Variants in HIRA observed in about 807,000 individuals in gnomAD.
HIRA encodes the protein protein HIRA.
Under a neutral mutation model 126.6 loss-of-function variants are expected in HIRA, and 13 were observed. That is an observed-to-expected ratio of 0.10 (90% confidence interval 0.07 to 0.16). HIRA has a LOEUF of 0.16. Among genes scored for constraint, HIRA ranks in the 10% least tolerant of loss-of-function variants. The probability of loss-of-function intolerance (pLI) is 1.00; values close to 1 mark genes in which losing one functional copy is unlikely to be tolerated. For missense variants in HIRA, 834 were observed against 1,314.4 expected, an observed-to-expected ratio of 0.63 and a Z score of 5.65; for synonymous variants, 511 against 520.0, an observed-to-expected ratio of 0.98 and a Z score of 0.24.
At chr22:19,405,708 C>T in intron 5 of HIRA, 78 bp downstream of exon 5, 1 of 1,108,252 alleles carries the variant, frequency 9.0e-7, no homozygotes, top group Non-Finnish European at 1.2e-6. Context: ...CCAAACAGTC[C>T]CACAGGGGAC....
intron 1 of HIRA, among the ~76,000 whole-genome samples, chr22:19,423,262 A>T (rs761718400): frequency 6.6e-6 from 1 of 151,966 alleles, no homozygotes; most frequent in African/African-American, 2.4e-5. Context: ...TGTTTCTCCA[A>T]TTCACAGGAT....
intron 15 of HIRA, among the ~76,000 whole-genome samples, chr22:19,362,887 C>G (rs1435267951): frequency 6.6e-6 from 1 of 151,136 alleles, no homozygotes; most frequent in African/African-American, 2.4e-5. Flanking sequence ...ATAAAATACT[C>G]AGCTAAAACC....
intron 1 of HIRA, among the ~76,000 whole-genome samples, chr22:19,418,014 A>G (rs574461967): frequency 2.0e-5 from 3 of 152,380 alleles, no homozygotes; most frequent in Admixed American, 6.5e-5. Context: ...GATTCCACTT[A>G]TATGAGCTAT....
At position 19,431,709 on chromosome 22, in the gene HIRA, C is replaced by T. The variant is rs2089541743; in HGVS notation, c.-233G>A. ...CCACAGCCGCATCCCCTGCGCCGCT[C>T]CTCCTCAGGCGGCTCCCGGGCAACG... On this transcript the variant is annotated 5_prime_UTR_variant, in exon 1 of 25. Transcript: ENST00000263208. 1 of 358,846 alleles carries T rather than the reference C, an allele frequency of 2.8e-6. No homozygotes were observed. The highest frequency in any genetic ancestry group is 4.7e-6 in the Non-Finnish European group (1 of 212,040). The allele number at this position is 358,846 out of a possible 1,614,324, so 22.2% of individuals were successfully genotyped here.
rs2089119917 is a variant in HIRA at position 19,385,635 on chromosome 22, C to T, written c.1215G>A (p.Gln405=). The change falls in exon 12 of 25, where the codon CAG becomes CAA. Residue 405 remains glutamine, a synonymous_variant. Coordinates refer to ENST00000263208, the MANE Select transcript of HIRA (RefSeq NM_003325.4). ...VIENPEMLKY[Q]RRQQQQQLDQ... Reference sequence around the variant, plus strand: ...CCAGCTGCTGCTGCTGCTGCCTTCGCTGGTACTTGAGCATCTCAGGGTTCT... The same window carrying T: ...CCAGCTGCTGCTGCTGCTGCCTTCGTTGGTACTTGAGCATCTCAGGGTTCT... The T allele has an allele frequency of 1.9e-6, 3 of 1,614,214 alleles. No homozygotes were observed. Among genetic ancestry groups the T allele is most frequent in the Non-Finnish European group, 1.7e-6 (2 of 1,180,050 alleles).
At chr22:19,424,269 G>A (rs1164470604) in intron 1 of HIRA, among the ~76,000 whole-genome samples, 1 of 152,344 alleles carries the variant, frequency 6.6e-6, no homozygotes, top group Admixed American at 6.5e-5. Context: ...AGTAGGCAAC[G>A]ATGATTGATG....
intron 24 of HIRA, among the ~76,000 whole-genome samples, chr22:19,339,366 G>A (rs1556007007): frequency 6.6e-6 from 1 of 152,136 alleles, no homozygotes; most frequent in Non-Finnish European, 1.5e-5. Flanking sequence ...CAAGCACGGT[G>A]GCTCGTGTCT....
chr22:19,336,989 A>G (rs2088573933), intron 24 of HIRA, among the ~76,000 whole-genome samples: 1 of 152,220 alleles, frequency 6.6e-6, no homozygotes, highest in South Asian at 2.1e-4. Context: ...AGGTTCTATA[A>G]TACCTCCAAA....
At chr22:19,367,968 TG>T (rs1330847955) in intron 15 of HIRA, among the ~76,000 whole-genome samples, 1 of 152,164 alleles carries the variant, frequency 6.6e-6, no homozygotes, top group African/African-American at 2.4e-5. Flanking sequence ...TTGAAGAAGT[TG>T]GTAAATGTTT....
Position 19,377,922 on chromosome 22 carries a change from C to A in HIRA, c.1560G>T (p.Glu520Asp). The change falls in exon 14 of 25, where the codon GAG (glutamate) becomes GAT (aspartate). Residue 520 changes from glutamate (E) to aspartate (D), a missense_variant. This residue lies in a region of HIRA where 468 missense variants were observed against 574.2 expected (regional missense o/e 0.82). Transcript: ENST00000263208. ...NSFGASKPCT[E>D]PVVAASARPA... The stretch of plus-strand genomic sequence containing the variant: ...GTCTGGCACTGGCAGCCACCACAGG[C>A]TCTGTGCAAGGCTTCGAGGCGCCGA... The A allele has an allele frequency of 1.2e-6, 2 of 1,613,760 alleles. No individual in the cohort carries two copies. Among genetic ancestry groups the A allele is most frequent in the South Asian group, 2.2e-5 (2 of 91,034 alleles).
At chr22:19,417,620 C>CA (rs992639083) in intron 1 of HIRA, among the ~76,000 whole-genome samples, 3 of 151,544 alleles carry the variant, frequency 2.0e-5, no homozygotes, top group African/African-American at 7.3e-5. Flanking sequence ...GACTCCGTCT[C>CA]AAAAAAAATA....
chr22:19,344,917 T>C (rs1601803426), intron 24 of HIRA, among the ~76,000 whole-genome samples: 1 of 152,142 alleles, frequency 6.6e-6, no homozygotes, highest in East Asian at 1.9e-4. Context: ...AAAAAGCATC[T>C]GAGAAAATGC....
At chr22:19,349,988 T>A (rs2088736725) in intron 24 of HIRA, among the ~76,000 whole-genome samples, 1 of 151,920 alleles carries the variant, frequency 6.6e-6, no homozygotes, top group African/African-American at 2.4e-5. Flanking sequence ...TTCCTTTTTC[T>A]TTTCTTTTTT....
intron 24 of HIRA, among the ~76,000 whole-genome samples, chr22:19,349,459 A>G (rs541367710): frequency 2.2e-4 from 34 of 152,352 alleles, no homozygotes; most frequent in African/African-American, 7.9e-4. Flanking sequence ...GGGGAAAATG[A>G]AAGGGAAGAA....
chr22:19,407,984 C>T (rs2089321468), intron 3 of HIRA, among the ~76,000 whole-genome samples: 1 of 152,176 alleles, frequency 6.6e-6, no homozygotes, highest in Non-Finnish European at 1.5e-5. Context: ...AGGACAAGAA[C>T]ACACAGAGGA....
At position 19,385,566 on chromosome 22, in the gene HIRA, T is replaced by G; in HGVS notation, c.1284A>C (p.Ser428=). 6.2e-7 allele frequency: 1 copy of G among 1,614,170 alleles called. No individual in the cohort carries two copies. The highest frequency in any genetic ancestry group is 8.5e-7 in the Non-Finnish European group (1 of 1,180,038). ...AATREMGSAT[S]VAGVVNGESL... ...TCTCCCCGTTGACAACGCCTGCGAC[T>G]GAGGTGGCTGAGCCCATCTCCCTGG... The change falls in exon 12 of 25, where the codon TCA becomes TCC. Residue 428 remains serine (S), a synonymous_variant. Transcript: ENST00000263208.
At chr22:19,394,225 T>C (rs2089205270) in intron 8 of HIRA, 117 bp downstream of exon 8, 5 of 1,233,386 alleles carry the variant, frequency 4.1e-6, no homozygotes, top group South Asian at 3.0e-5. Context: ...ACCAAGTACA[T>C]ACTCTATTTT....
At chr22:19,368,347 A>G (rs1455625550) in intron 15 of HIRA, among the ~76,000 whole-genome samples, 2 of 152,108 alleles carry the variant, frequency 1.3e-5, no homozygotes, top group East Asian at 1.9e-4. Flanking sequence ...CTAATGTCCT[A>G]CAACAGGGCA....
chr22:19,390,197 T>C (rs1041567611), intron 9 of HIRA, among the ~76,000 whole-genome samples: 2 of 152,090 alleles, frequency 1.3e-5, no homozygotes, highest in Non-Finnish European at 2.9e-5. Context: ...GCCACAGTTC[T>C]TACCCTTGGG....
Sources: gnomAD v4.1 joint callset for allele counts (sites outside exome capture counted in the v4.1 genomes callset) on GRCh38, gnomAD v4.1.1 for gene constraint, gnomAD v4.1.1 regional missense constraint, MANE v1.5 for transcripts, NCBI Gene and HGNC (gene_info 2026-07-23, HGNC 2026-07-21) for gene names.